The following CNOT9 variants were observed in gnomAD, a reference collection of about 807,000 sequenced individuals.
The protein encoded by CNOT9 is RCD1 required for cell differentiation1 homolog.
Under a neutral mutation model 37.4 loss-of-function variants are expected in CNOT9, and 8 were observed. That is an observed-to-expected ratio of 0.21 (90% confidence interval 0.13 to 0.39). The LOEUF is 0.39. Ranked by LOEUF, CNOT9 falls within the 10% of genes least tolerant of loss-of-function variation. CNOT9 has a pLI of 1.00. For synonymous variants in CNOT9, 120 were observed against 137.6 expected, an observed-to-expected ratio of 0.87 and a Z score of 0.90; for missense variants, 154 against 365.3, an observed-to-expected ratio of 0.42 and a Z score of 4.71.
At chr2:218,585,643 T>A (rs78532589) in intron 4 of CNOT9, among the ~76,000 whole-genome samples, 462 of 5,390 alleles carry the variant, frequency 0.086, 4 homozygotes, top group African/African-American at 0.17. Context: ...ATTTTATTTT[T>A]TTTTTTTTTT....
chr2:218,587,374 C>T lies in CNOT9; in HGVS notation c.431-212C>T, dbSNP rs1158828541. 44 of 984,514 alleles carry T rather than the reference C, an allele frequency of 4.5e-5. No homozygotes were observed. The South Asian group carries it at 4.8e-4, about 11-fold the overall frequency. 61.0% of individuals were successfully genotyped at this position (984,514 alleles called of 1,614,324 possible). ...CCGACCTCAAGTGATCTGCCCGCCT[C>T]GGCCTCCCAAAGTGCTGGGATTACA... On this transcript the variant is annotated intron_variant, in intron 4 of 7. Transcript: ENST00000273064.
Position 218,568,945 on chromosome 2 carries a change from C to T in CNOT9, c.-10C>T, listed in dbSNP as rs1029768144. 6.2e-7 allele frequency: 1 copy of T among 1,608,136 alleles called. No homozygotes were observed. Among genetic ancestry groups the T allele is most frequent in the East Asian group, 2.3e-5 (1 of 44,432 alleles). Reference sequence around the variant, plus strand: ...TCCGGCTGTGGAAGAGAGCGGCGGCCGCTCACAACATGCACAGCCTGGCGA... The same window carrying T: ...TCCGGCTGTGGAAGAGAGCGGCGGCTGCTCACAACATGCACAGCCTGGCGA... On this transcript the variant is annotated 5_prime_UTR_variant, in exon 1 of 8. Coordinates refer to ENST00000273064, the MANE Select transcript of CNOT9 (RefSeq NM_005444.3).
chr2:218,592,235 A>G lies in CNOT9; in HGVS notation c.541-69A>G. On this transcript the variant is annotated intron_variant, in intron 5 of 7. Transcript: ENST00000273064. This position sits in a 1 kb window ranked among gnomAD's most constrained non-coding sequence, Gnocchi z 4.1. ...TTCTGACTGATAGTCATGCCTGGGA[A>G]AATGAGTAGAAAATGAGAAGATTAA... The G allele has an allele frequency of 8.5e-6, 10 of 1,174,326 alleles. No homozygotes were observed. The highest frequency in any genetic ancestry group is 2.3e-5 in the East Asian group (1 of 42,852). 72.7% of individuals were successfully genotyped at this position (1,174,326 alleles called of 1,614,324 possible).
chr2:218,587,373 T>C (rs923234438), intron 4 of CNOT9: 2 of 983,114 alleles, frequency 2.0e-6, no homozygotes, highest in Non-Finnish European at 2.5e-6. Context: ...TCTGCCCGCC[T>C]CGGCCTCCCA....
chr2:218,583,834 TC>T (rs1344763101), intron 3 of CNOT9, among the ~76,000 whole-genome samples: 1 of 152,232 alleles, frequency 6.6e-6, no homozygotes, highest in Non-Finnish European at 1.5e-5. Flanking sequence ...CGTTGGCTCT[TC>T]TACAAGGTGT....
At position 218,595,401 on chromosome 2, in the gene CNOT9, A is replaced by G. The variant is rs1043309872; in HGVS notation, c.*1125A>G. Reference sequence around the variant, plus strand: ...ATGGAGGGCTGGGTTCTGCTCACTCAGTCTTTTTTTTTTTTTTTTTTTTTT... The same window carrying G: ...ATGGAGGGCTGGGTTCTGCTCACTCGGTCTTTTTTTTTTTTTTTTTTTTTT... On this transcript the variant is annotated 3_prime_UTR_variant, in exon 8 of 8. Coordinates refer to ENST00000273064, the MANE Select transcript of CNOT9 (RefSeq NM_005444.3). 4.5e-5 allele frequency: 2 copies of G among 44,374 alleles called. No homozygotes were observed. The highest frequency in any genetic ancestry group is 4.7e-5 in the Non-Finnish European group (1 of 21,106). 2.7% of individuals were successfully genotyped at this position (44,374 alleles called of 1,614,324 possible). A position where few individuals can be genotyped will look rare whatever the true frequency, so the allele number is the denominator to read the frequency against.
chr2:218,585,496 C>T (rs1694558198), intron 4 of CNOT9, among the ~76,000 whole-genome samples: 1 of 151,070 alleles, frequency 6.6e-6, no homozygotes, highest in Non-Finnish European at 1.5e-5. Context: ...TCGCTTGAAC[C>T]TGGGAGGTGG....
In CNOT9 at chr2:218,592,559, ATTTG is replaced by A. The variant is rs749268065; in HGVS notation, c.640-51_640-48del. 6.4e-4 allele frequency: 1,011 copies of A among 1,568,420 alleles called. 2 individuals carry two copies. Among genetic ancestry groups the A allele is most frequent in the Non-Finnish European group, 8.2e-4 (937 of 1,138,600 alleles). On this transcript the variant is annotated intron_variant, in intron 6 of 7. Transcript: ENST00000273064. This position sits in a 1 kb window ranked among gnomAD's most constrained non-coding sequence, Gnocchi z 4.1. Reference sequence around the variant, plus strand: ...TATCTGATCTCTGATGTCAATTAGAATTTGTTTGTGTTTTGTGTGTTTTTTCCAA... The same window carrying A: ...TATCTGATCTCTGATGTCAATTAGAATTTGTGTTTTGTGTGTTTTTTCCAA...
intron 1 of CNOT9, 123 bp downstream of exon 1, chr2:218,569,101 GC>G: frequency 9.5e-7 from 1 of 1,052,666 alleles, no homozygotes; most frequent in Non-Finnish European, 1.4e-6. Context: ...AATCTCCAAG[GC>G]CCCGGTTCCC....
At chr2:218,580,399 C>G (rs1694333477) in intron 1 of CNOT9, among the ~76,000 whole-genome samples, 162 bp from the exon 2 acceptor site, 1 of 152,226 alleles carries the variant, frequency 6.6e-6, no homozygotes. Flanking sequence ...AGATTTTCAT[C>G]AGTAACTACC....
intron 1 of CNOT9, among the ~76,000 whole-genome samples, chr2:218,574,894 A>G (rs1050959512): frequency 2.5e-4 from 38 of 152,208 alleles, no homozygotes; most frequent in African/African-American, 8.4e-4. Context: ...TCAAAAATCT[A>G]TTGAAGCGTA....
intron 5 of CNOT9, among the ~76,000 whole-genome samples, chr2:218,587,926 T>C (rs1047853444): frequency 2.0e-5 from 3 of 152,258 alleles, no homozygotes; most frequent in Admixed American, 6.5e-5. Context: ...AGGTAAATTC[T>C]AAGTATATTA....
rs114534682 is a variant in CNOT9, at chr2:218,569,702, C to T, written c.24+724C>T. 3.2e-3 allele frequency among the ~76,000 whole-genome samples: 490 copies of T among 152,304 alleles called. 1 individual carries two copies. Among genetic ancestry groups the T allele is most frequent in the African/African-American group, 0.011 (471 of 41,570 alleles). ...AGCTTCAGCTACTCTGGCCACCTAA[C>T]CCTCTGCAACGCGCTTATTTTTCTC... On this transcript the variant is annotated intron_variant, in intron 1 of 7. Coordinates refer to ENST00000273064, the MANE Select transcript of CNOT9 (RefSeq NM_005444.3).
At chr2:218,577,047 G>A (rs1694193318) in intron 1 of CNOT9, among the ~76,000 whole-genome samples, 1 of 151,858 alleles carries the variant, frequency 6.6e-6, no homozygotes, top group African/African-American at 2.4e-5. Flanking sequence ...GCGGTTAAAA[G>A]TGTGGGCTCT....
chr2:218,569,973 T>C (rs1256940711), intron 1 of CNOT9, among the ~76,000 whole-genome samples: 1 of 152,208 alleles, frequency 6.6e-6, no homozygotes, highest in Non-Finnish European at 1.5e-5. Flanking sequence ...TTTACAGCCC[T>C]GATCCCCGTG....
At position 218,586,442 on chromosome 2, in the gene CNOT9, G is replaced by A. The variant is rs569732581; in HGVS notation, c.431-1144G>A. ...TGGCCATCTACAAGCCAGGAAGAGA[G>A]ACTTTACAAGAACTATACCATACCA... On this transcript the variant is annotated intron_variant, in intron 4 of 7. Coordinates refer to ENST00000273064, the MANE Select transcript of CNOT9 (RefSeq NM_005444.3). Among the ~76,000 whole-genome samples the A allele has an allele frequency of 3.3e-5, 5 of 151,676 alleles. No homozygotes were observed. The East Asian group carries it at 9.7e-4, about 29-fold the overall frequency.
chr2:218,592,450 C>T lies in CNOT9; in HGVS notation c.639+48C>T, dbSNP rs1198628873. ...TTTACAACTACTTCTCATCACAAAGCTTAATCTCTTTATAACTGGCATTGA... is the reference window on the plus strand; with the variant it reads ...TTTACAACTACTTCTCATCACAAAGTTTAATCTCTTTATAACTGGCATTGA... On this transcript the variant is annotated intron_variant, in intron 6 of 7. Transcript: ENST00000273064. This position sits in a 1 kb window ranked among gnomAD's most constrained non-coding sequence, Gnocchi z 4.1. 6.5e-7 allele frequency: 1 copy of T among 1,534,444 alleles called. No individual in the cohort carries two copies. Among genetic ancestry groups the T allele is most frequent in the Non-Finnish European group, 9.0e-7 (1 of 1,107,684 alleles).
chr2:218,586,108 G>A (rs1694588081), intron 4 of CNOT9, among the ~76,000 whole-genome samples: 1 of 152,174 alleles, frequency 6.6e-6, no homozygotes, highest in South Asian at 2.1e-4. Context: ...CAATGATTCA[G>A]TATTGTTAAG....
In CNOT9 at chr2:218,593,833, G is replaced by A. The variant is rs145989394; in HGVS notation, c.732-275G>A. 886 of 1,226,414 alleles carry A rather than the reference G, an allele frequency of 7.2e-4. 1 individual carries two copies. The highest frequency in any genetic ancestry group is 2.1e-3 in the Middle Eastern group (7 of 3,336). The allele number at this position is 1,226,414 out of a possible 1,614,324, so 76.0% of individuals were successfully genotyped here. On this transcript the variant is annotated intron_variant, in intron 7 of 7. Coordinates refer to ENST00000273064, the MANE Select transcript of CNOT9 (RefSeq NM_005444.3). ...TTGACAGTATTTAATAAATCAGAAAGCTGTTTGAATGGAAGTAAACTATTG... is the reference window on the plus strand; with the variant it reads ...TTGACAGTATTTAATAAATCAGAAAACTGTTTGAATGGAAGTAAACTATTG...
Sources: gnomAD v4.1 joint callset for allele counts (sites outside exome capture counted in the v4.1 genomes callset) on GRCh38, gnomAD v4.1.1 for gene constraint, Gnocchi (gnomAD v3.1) non-coding constraint, MANE v1.5 for transcripts, NCBI Gene and HGNC (gene_info 2026-07-23, HGNC 2026-07-21) for gene names.